Variants in SLC2A13 observed in about 807,000 individuals in gnomAD.
SLC2A13 encodes the protein proton myo-inositol cotransporter.
SLC2A13 carries 32 observed loss-of-function variants against 64.4 expected under a neutral mutation model. The observed-to-expected ratio is 0.50, with a 90% confidence interval of 0.37 to 0.67. SLC2A13 has a LOEUF of 0.67. Among genes scored for constraint, SLC2A13 ranks in the 30% least tolerant of loss-of-function variants. SLC2A13 has a pLI of 0.00. For missense variants in SLC2A13, 743 were observed against 829.2 expected (o/e 0.90, Z 1.28); for synonymous variants, 338 against 327.1 (o/e 1.03, Z -0.36).
intron 4 of SLC2A13, among the ~76,000 whole-genome samples, chr12:39,918,435 T>C (rs1945557280): frequency 6.6e-6 from 1 of 151,678 alleles, no homozygotes; most frequent in African/African-American, 2.4e-5. Context: ...CCAGGGAAAT[T>C]TGTGATTCTT....
chr12:39,827,115 G>T (rs1325428934), intron 7 of SLC2A13, among the ~76,000 whole-genome samples: 1 of 151,664 alleles, frequency 6.6e-6, no homozygotes, highest in Admixed American at 6.6e-5. Flanking sequence ...TGTACACTGG[G>T]TTCTGATAAT....
intron 1 of SLC2A13, among the ~76,000 whole-genome samples, chr12:40,094,031 G>A (rs1336699592): frequency 6.6e-6 from 1 of 152,188 alleles, no homozygotes; most frequent in Non-Finnish European, 1.5e-5. Flanking sequence ...AGTGAGAGAT[G>A]GGTGGCATTT....
intron 7 of SLC2A13, among the ~76,000 whole-genome samples, chr12:39,825,037 T>C (rs1212133430): frequency 6.6e-6 from 1 of 152,096 alleles, no homozygotes; most frequent in Admixed American, 6.5e-5. Flanking sequence ...TACATCAGAG[T>C]GCAGCTTTGA....
chr12:39,758,022 TAGATAAGAAATTTCTTATG>T lies in SLC2A13; in HGVS notation c.*1985_*2003del, dbSNP rs1940014166. On this transcript the variant is annotated 3_prime_UTR_variant, in exon 10 of 10. Transcript: ENST00000280871. ...ACTTCAATTTACCTGTGTAAAATAT[TAGATAAGAAATTTCTTATG>T]AGATAAGAAATATCAATAGAATAAT... 6.6e-6 allele frequency: 1 copy of T among 151,790 alleles called. No individual in the cohort carries two copies. The highest frequency in any genetic ancestry group is 1.5e-5 in the Non-Finnish European group (1 of 67,682). 9.4% of individuals were successfully genotyped at this position (151,790 alleles called of 1,614,324 possible). A position where few individuals can be genotyped will look rare whatever the true frequency, so the allele number is the denominator to read the frequency against.
intron 3 of SLC2A13, among the ~76,000 whole-genome samples, chr12:39,994,479 GAA>G (rs1947194272): frequency 6.7e-6 from 1 of 150,026 alleles, no homozygotes; most frequent in Non-Finnish European, 1.5e-5. Context: ...ATAAAAGATA[GAA>G]AAAGGGAAAA....
Position 39,984,157 on chromosome 12 carries a change from T to C in SLC2A13, c.926-32792A>G, listed in dbSNP as rs1310012221. The stretch of plus-strand genomic sequence containing the variant: ...GATCACATGGACACAGGAAGGGGAA[T>C]ATCACAATCTGGGGACTGTGGTGGG... On this transcript the variant is annotated intron_variant, in intron 3 of 9. Coordinates refer to ENST00000280871, the MANE Select transcript of SLC2A13 (RefSeq NM_052885.4). Among the ~76,000 whole-genome samples, 6 of 148,602 alleles carry C rather than the reference T, an allele frequency of 4.0e-5. No individual in the cohort carries two copies. In the South Asian group the frequency reaches 6.4e-4, roughly 16 times the overall value.
chr12:39,911,283 C>T (rs1389236412), intron 4 of SLC2A13, among the ~76,000 whole-genome samples: 7 of 152,050 alleles, frequency 4.6e-5, no homozygotes, highest in Non-Finnish European at 8.8e-5. Flanking sequence ...AATACCCACG[C>T]TTTGCTTAAG....
chr12:39,868,722 T>C (rs1254138931), intron 5 of SLC2A13, among the ~76,000 whole-genome samples: 1 of 152,154 alleles, frequency 6.6e-6, no homozygotes, highest in East Asian at 1.9e-4. Context: ...CTTCCAATAT[T>C]AAAGAATCAA....
At chr12:39,866,013 C>G (rs575669217) in intron 5 of SLC2A13, among the ~76,000 whole-genome samples, 1 of 152,152 alleles carries the variant, frequency 6.6e-6, no homozygotes, top group Non-Finnish European at 1.5e-5. Context: ...TGCACATGTA[C>G]CCCTGAAATT....
intron 4 of SLC2A13, among the ~76,000 whole-genome samples, chr12:39,887,528 G>T (rs1364750111): frequency 6.6e-6 from 1 of 152,186 alleles, no homozygotes; most frequent in Non-Finnish European, 1.5e-5. Context: ...GGAAGTAGAG[G>T]CCCTCACTCC....
chr12:40,075,140 A>T (rs1346403956), intron 1 of SLC2A13, among the ~76,000 whole-genome samples: 1 of 152,130 alleles, frequency 6.6e-6, no homozygotes, highest in Non-Finnish European at 1.5e-5. Context: ...AGCAAAGGGA[A>T]ATTTTCTCAA....
intron 1 of SLC2A13, among the ~76,000 whole-genome samples, chr12:40,097,171 C>T (rs543041657): frequency 1.3e-5 from 2 of 152,148 alleles, no homozygotes; most frequent in African/African-American, 4.8e-5. Flanking sequence ...TTTATAATGC[C>T]TCTGTTAAGC....
chr12:39,789,985 T>C (rs1013689314), intron 7 of SLC2A13, among the ~76,000 whole-genome samples: 3 of 152,096 alleles, frequency 2.0e-5, no homozygotes, highest in African/African-American at 4.8e-5. Context: ...AATTTTCTAG[T>C]AGCCACATTC....
Position 39,896,458 on chromosome 12 carries a change from A to G in SLC2A13, c.1035-24497T>C, listed in dbSNP as rs576669636. Among the ~76,000 whole-genome samples the G allele has an allele frequency of 3.4e-4, 49 of 143,450 alleles. 1 individual carries two copies. Among genetic ancestry groups the G allele is most frequent in the African/African-American group, 1.1e-3 (41 of 38,266 alleles). 94.1% of individuals were successfully genotyped at this position (143,450 alleles called of 152,430 possible). A position where few individuals can be genotyped will look rare whatever the true frequency, so the allele number is the denominator to read the frequency against. ...TATACATATATGTATATGTGTGTAT[A>G]TATGTATACATATATGTATATGTGT... On this transcript the variant is annotated intron_variant, in intron 4 of 9. Transcript: ENST00000280871.
At chr12:40,062,424 T>G (rs147300486) in intron 1 of SLC2A13, among the ~76,000 whole-genome samples, 2 of 152,010 alleles carry the variant, frequency 1.3e-5, no homozygotes, top group East Asian at 3.9e-4. Flanking sequence ...CCATCACTTG[T>G]GAACATGGAT....
intron 6 of SLC2A13, among the ~76,000 whole-genome samples, chr12:39,860,508 C>T (rs373442789): frequency 3.5e-4 from 54 of 152,304 alleles, no homozygotes; most frequent in Non-Finnish European, 7.2e-4. Context: ...CCTCCAACTA[C>T]GGGCCAGTTT....
At chr12:39,797,276 A>AC (rs1380638595) in intron 7 of SLC2A13, among the ~76,000 whole-genome samples, 2 of 152,212 alleles carry the variant, frequency 1.3e-5, no homozygotes, top group African/African-American at 4.8e-5. Context: ...TTTGCAATGT[A>AC]ATTATCTTTA....
chr12:39,893,562 A>T (rs1337406408), intron 4 of SLC2A13, among the ~76,000 whole-genome samples: 1 of 152,228 alleles, frequency 6.6e-6, no homozygotes, highest in Non-Finnish European at 1.5e-5. Context: ...GGTCTCCCAA[A>T]GTGCTGGAAT....
intron 1 of SLC2A13, among the ~76,000 whole-genome samples, chr12:40,080,640 C>A (rs1938361095): frequency 6.6e-6 from 1 of 152,196 alleles, no homozygotes; most frequent in African/African-American, 2.4e-5. Context: ...GATCCACCTG[C>A]CTCAGTCTCC....
Sources: gnomAD v4.1 joint callset for allele counts (sites outside exome capture counted in the v4.1 genomes callset) on GRCh38, gnomAD v4.1.1 for gene constraint, MANE v1.5 for transcripts, NCBI Gene and HGNC (gene_info 2026-07-23, HGNC 2026-07-21) for gene names.